Variants in FANCL observed in about 807,000 individuals in gnomAD.
FANCL encodes the protein E3 ubiquitin-protein ligase FANCL.
In FANCL, 69 loss-of-function variants were observed where a neutral mutation model predicts 59.4. That is an observed-to-expected ratio of 1.16 (90% CI 0.96 to 1.42). FANCL has a LOEUF of 1.42. FANCL is among the 40% of genes most tolerant of loss of function. The pLI is 0.00. For synonymous variants in FANCL, 180 were observed against 147.1 expected (o/e 1.22, Z -1.62); for missense variants, 519 against 447.2 (o/e 1.16, Z -1.45).
intron 7 of FANCL, among the ~76,000 whole-genome samples, chr2:58,191,445 A>G (rs1688908592): frequency 6.6e-6 from 1 of 151,918 alleles, no homozygotes. Flanking sequence ...ATATTAACCA[A>G]TAAAACTGTG....
intron 7 of FANCL, among the ~76,000 whole-genome samples, chr2:58,195,195 G>A (rs1173222008): frequency 6.6e-6 from 1 of 151,986 alleles, no homozygotes; most frequent in Non-Finnish European, 1.5e-5. Flanking sequence ...ATAACAAGAA[G>A]TCTCACATTT....
At chr2:58,206,722 T>C (rs996726262) in intron 5 of FANCL, among the ~76,000 whole-genome samples, 3 of 152,142 alleles carry the variant, frequency 2.0e-5, no homozygotes, top group Admixed American at 6.5e-5. Context: ...AAATATGGCC[T>C]GTAAGCCAAA....
chr2:58,223,559 G>A (rs898435535), intron 4 of FANCL, among the ~76,000 whole-genome samples: 1 of 151,900 alleles, frequency 6.6e-6, no homozygotes, highest in African/African-American at 2.4e-5. Flanking sequence ...CTGTAGAACC[G>A]TAACAGCTAA....
chr2:58,203,604 AG>A (rs1690273725), intron 6 of FANCL, among the ~76,000 whole-genome samples: 1 of 152,058 alleles, frequency 6.6e-6, no homozygotes, highest in South Asian at 2.1e-4. Context: ...CTATCCTATA[AG>A]GGATCTATAA....
At chr2:58,197,104 TCTCTA>T (rs1397991859) in intron 7 of FANCL, among the ~76,000 whole-genome samples, 5 of 151,676 alleles carry the variant, frequency 3.3e-5, no homozygotes, top group African/African-American at 1.2e-4. Flanking sequence ...GGCTCTCTCT[TCTCTA>T]TTTTGCTATG....
At chr2:58,196,177 C>T (rs11903212) in intron 7 of FANCL, among the ~76,000 whole-genome samples, 21,903 of 151,704 alleles carry the variant, frequency 0.14, 1,933 homozygotes, top group African/African-American at 0.25. Flanking sequence ...AAAGTATGCA[C>T]GGATGGCCTA....
chr2:58,223,829 G>A (rs887195350), intron 4 of FANCL, among the ~76,000 whole-genome samples: 1 of 151,930 alleles, frequency 6.6e-6, no homozygotes, highest in Non-Finnish European at 1.5e-5. Context: ...CTCCATGGAA[G>A]ATTTACAACA....
chr2:58,172,451 T>C (rs1686749809), intron 7 of FANCL, among the ~76,000 whole-genome samples: 1 of 152,174 alleles, frequency 6.6e-6, no homozygotes, highest in African/African-American at 2.4e-5. Context: ...CAAGAAAATC[T>C]GCTGTTCTGC....
In FANCL at chr2:58,191,201, G is replaced by A. The variant is rs933097243; in HGVS notation, c.540+7393C>T. The stretch of plus-strand genomic sequence containing the variant: ...AGAGTCCCTGTCAGGAACAAAACAT[G>A]AGAGAATGTTAATAAATTATACTCG... On this transcript the variant is annotated intron_variant, in intron 7 of 13. Transcript: ENST00000233741. Among the ~76,000 whole-genome samples the A allele has an allele frequency of 3.3e-5, 5 of 151,646 alleles. No homozygotes were observed. In the East Asian group the frequency reaches 7.7e-4, roughly 23 times the overall value.
At chr2:58,227,606 G>A (rs1048000642) in intron 3 of FANCL, among the ~76,000 whole-genome samples, 2 of 152,114 alleles carry the variant, frequency 1.3e-5, no homozygotes, top group East Asian at 1.9e-4. Flanking sequence ...ATGTCCTCTC[G>A]ATGTCCAGCC....
intron 6 of FANCL, among the ~76,000 whole-genome samples, chr2:58,203,824 T>G (rs1208249624): frequency 6.6e-6 from 1 of 152,056 alleles, no homozygotes; most frequent in Non-Finnish European, 1.5e-5. Flanking sequence ...TCCACTGTCT[T>G]CTACATGTTA....
intron 6 of FANCL, among the ~76,000 whole-genome samples, chr2:58,203,024 C>T (rs1300259363): frequency 7.5e-5 from 10 of 134,198 alleles, no homozygotes; most frequent in Admixed American, 1.4e-4. Context: ...GCAAATTTCT[C>T]TTAAAAAAAA....
In FANCL at chr2:58,160,157, C is replaced by T. The variant is rs1558727681; in HGVS notation, c.1043G>A (p.Ser348Asn). Residue 348 changes from serine (S) to asparagine (N), a missense_variant, in exon 13 of 14, where the codon AGT (serine) becomes AAT (asparagine). By Grantham distance (46) the Ser-to-Asn change is conservative. Coordinates refer to ENST00000233741, the MANE Select transcript of FANCL (RefSeq NM_018062.4). ...LYEWLRGLLT[S>N]RQSFNIIFGE... is the part of the protein sequence containing the mutation. ...AAATATGATGTTAAAACTCTGTCTA[C>T]TAGTTAGTAGTCCTCTCAGCCACTG... 6.2e-7 allele frequency: 1 copy of T among 1,612,882 alleles called. No individual in the cohort carries two copies. The highest frequency in any genetic ancestry group is 1.3e-5 in the African/African-American group (1 of 75,006).
intron 7 of FANCL, among the ~76,000 whole-genome samples, chr2:58,170,554 T>C (rs550439005): frequency 8.5e-5 from 13 of 152,164 alleles, no homozygotes; most frequent in Admixed American, 6.5e-4. Flanking sequence ...AATCCCCCAA[T>C]TAAAAGACAC....
intron 1 of FANCL, among the ~76,000 whole-genome samples, chr2:58,236,809 T>C (rs1190611578): frequency 1.3e-5 from 2 of 152,094 alleles, no homozygotes; most frequent in African/African-American, 4.8e-5. Context: ...AGATGCAATC[T>C]ATATGTTAAT....
At chr2:58,196,267 G>A (rs191527291) in intron 7 of FANCL, among the ~76,000 whole-genome samples, 1,550 of 152,128 alleles carry the variant, frequency 0.01, 23 homozygotes, top group African/African-American at 0.035. Flanking sequence ...GGACAGAAAA[G>A]GGGGTCAGGT....
chr2:58,204,242 G>GA lies in FANCL; in HGVS notation c.375-17dup. 1 of 1,598,862 alleles carries GA rather than the reference G, an allele frequency of 6.3e-7. No homozygotes were observed. ...ATACACAAGTCTGGTGAGCAGAGGAGAATAAAAAATGATCACACCGGGGAG... is the reference window on the plus strand; with the variant it reads ...ATACACAAGTCTGGTGAGCAGAGGAGAAATAAAAAATGATCACACCGGGGAG... On this transcript the variant is annotated splice_polypyrimidine_tract_variant and intron_variant, in intron 5 of 13. Coordinates refer to ENST00000233741, the MANE Select transcript of FANCL (RefSeq NM_018062.4).
At chr2:58,183,434 C>T (rs1688115093) in intron 7 of FANCL, among the ~76,000 whole-genome samples, 1 of 151,808 alleles carries the variant, frequency 6.6e-6, no homozygotes, top group African/African-American at 2.4e-5. Flanking sequence ...TCTTACAGCA[C>T]TCCCCTTATT....
Position 58,229,867 on chromosome 2 carries a change from A to T in FANCL, c.163T>A (p.Cys55Ser), listed in dbSNP as rs771934669. Residue 55 changes from cysteine (C) to serine (S), a missense_variant, in exon 3 of 14, where the codon TGT becomes AGT. Physicochemically the swap from Cys to Ser is moderately radical, Grantham distance 112. Transcript: ENST00000233741. ...AGTATTGTTCTCAGCTGCCAACTAC[A>T]TAATAATCTAAAATTTTAATGAGAC... Reference protein sequence around the residue: ...DLQLKNARLLCSWQLRTILSG... With the variant: ...DLQLKNARLLSSWQLRTILSG... The T allele has an allele frequency of 6.2e-6, 10 of 1,608,476 alleles. No individual in the cohort carries two copies. Among genetic ancestry groups the T allele is most frequent in the Non-Finnish European group, 8.5e-6 (10 of 1,175,068 alleles).
Sources: allele counts gnomAD v4.1 joint callset (sites outside exome capture counted in the v4.1 genomes callset), GRCh38; gene constraint gnomAD v4.1.1; transcripts MANE v1.5; gene names NCBI Gene and HGNC (gene_info 2026-07-23, HGNC 2026-07-21).